Variants in ITPRID1 observed in about 807,000 individuals in gnomAD.
ITPRID1 encodes the protein ITPR interacting domain containing 1, also known as protein ITPRID1.
ITPRID1 carries 96 observed loss-of-function variants against 95.4 expected under a neutral mutation model. The ratio of observed to expected loss-of-function variants is 1.01; its 90% CI spans 0.85 to 1.19. The LOEUF is 1.19. Ranked by LOEUF, ITPRID1 falls within the 50% of genes most tolerant of loss-of-function variation. The probability of loss-of-function intolerance (pLI) is 0.00; values close to 1 mark genes in which losing one functional copy is unlikely to be tolerated. For missense variants in ITPRID1, 1,339 were observed against 1,252.9 expected, an observed-to-expected ratio of 1.07 and a Z score of -1.04; for synonymous variants, 510 against 453.6, an observed-to-expected ratio of 1.12 and a Z score of -1.58.
intron 7 of ITPRID1, 105 bp from the exon 8 acceptor site, chr7:31,574,435 C>A: frequency 1.0e-6 from 1 of 990,762 alleles, no homozygotes; most frequent in Non-Finnish European, 1.5e-6. Context: ...TATTTAGGAT[C>A]CTCTTTCACT....
chr7:31,527,041 T>G (rs1320400265), intron 1 of ITPRID1, among the ~76,000 whole-genome samples: 1 of 152,194 alleles, frequency 6.6e-6, no homozygotes, highest in Non-Finnish European at 1.5e-5. Flanking sequence ...CCTCATTTAT[T>G]ATGTAGTAGG....
Position 31,520,515 on chromosome 7 carries a change from TTGTGTGTGTGTGTGTGTG to T in ITPRID1, c.-98+6428_-98+6445del, listed in dbSNP as rs57709822. On this transcript the variant is annotated intron_variant, in intron 1 of 14. Transcript: ENST00000615280. ...TGTGTCTCTTTGACATACCACATCA[TTGTGTGTGTGTGTGTGTG>T]TGTGTGTGTGTGTGTGTGTGTGTGT... is the stretch of plus-strand genomic sequence containing the variant. Among the ~76,000 whole-genome samples, 198 of 135,666 alleles carry T rather than the reference TTGTGTGTGTGTGTGTGTG, an allele frequency of 1.5e-3. 3 individuals are homozygous for T. The highest frequency in any genetic ancestry group is 4.7e-3 in the African/African-American group (164 of 35,158). The allele number at this position is 135,666 out of a possible 152,430, so 89.0% of individuals were successfully genotyped here.
chr7:31,539,932 G>A (rs564343757), intron 1 of ITPRID1, among the ~76,000 whole-genome samples: 6 of 152,184 alleles, frequency 3.9e-5, no homozygotes, highest in Admixed American at 1.3e-4. Flanking sequence ...GTTTCTGGTC[G>A]GAGATGTTAT....
At chr7:31,602,253 A>G (rs1786425718) in intron 10 of ITPRID1, among the ~76,000 whole-genome samples, 1 of 152,164 alleles carries the variant, frequency 6.6e-6, no homozygotes, top group Admixed American at 6.5e-5. Flanking sequence ...AAATTCATCT[A>G]TACTCCCAGG....
intron 10 of ITPRID1, among the ~76,000 whole-genome samples, chr7:31,597,033 A>G (rs1357272932): frequency 6.6e-6 from 1 of 151,842 alleles, no homozygotes; most frequent in Admixed American, 6.5e-5. Context: ...AGAAAACATA[A>G]TATTAAAAGA....
intron 10 of ITPRID1, among the ~76,000 whole-genome samples, chr7:31,620,351 G>C (rs913156411): frequency 3.2e-4 from 49 of 152,128 alleles, no homozygotes; most frequent in Non-Finnish European, 6.0e-4. Flanking sequence ...CTAACTGGGA[G>C]GCACCCCCCA....
In ITPRID1 at chr7:31,573,355, T is replaced by C. The variant is rs866162954; in HGVS notation, c.395+1167T>C. On this transcript the variant is annotated intron_variant, in intron 7 of 14. Transcript: ENST00000615280. ...GATACACACAATTATTATTTGTCAA[T>C]TAAAAATTTTAGTTTTTTTTTTTTA... Among the ~76,000 whole-genome samples the C allele has an allele frequency of 7.6e-4, 115 of 152,050 alleles. 1 individual carries two copies. Among genetic ancestry groups the C allele is most frequent in the African/African-American group, 2.5e-3 (105 of 41,478 alleles).
chr7:31,571,810 G>T (rs773950844), intron 6 of ITPRID1, among the ~76,000 whole-genome samples: 1 of 152,152 alleles, frequency 6.6e-6, no homozygotes, highest in African/African-American at 2.4e-5. Context: ...GTTCCTGAAA[G>T]GTTCCCCAAT....
At chr7:31,633,605 G>C (rs1789215567) in intron 10 of ITPRID1, among the ~76,000 whole-genome samples, 1 of 152,200 alleles carries the variant, frequency 6.6e-6, no homozygotes, top group Admixed American at 6.5e-5. Flanking sequence ...AAGTCTAGCT[G>C]TTTCACATAT....
chr7:31,532,726 G>A (rs1783637932), intron 1 of ITPRID1, among the ~76,000 whole-genome samples: 1 of 152,166 alleles, frequency 6.6e-6, no homozygotes, highest in African/African-American at 2.4e-5. Context: ...AAAGAAAACA[G>A]AAGAATGCAA....
intron 1 of ITPRID1, among the ~76,000 whole-genome samples, chr7:31,539,976 A>G (rs1472534051): frequency 6.6e-6 from 1 of 152,160 alleles, no homozygotes; most frequent in African/African-American, 2.4e-5. Context: ...CTTAGCCATT[A>G]GGCTGATGCC....
intron 1 of ITPRID1, chr7:31,529,838 A>T (rs919458246): frequency 1.3e-6 from 2 of 1,532,524 alleles, no homozygotes; most frequent in African/African-American, 1.4e-5. Context: ...AGTAACTCTT[A>T]TAATTTGTTT....
At chr7:31,628,315 G>A (rs10262468) in intron 10 of ITPRID1, among the ~76,000 whole-genome samples, 6,220 of 152,202 alleles carry the variant, frequency 0.041, 353 homozygotes, top group African/African-American at 0.13. Flanking sequence ...GGTAACAGGG[G>A]CAAGGAAGGA....
chr7:31,579,634 G>T (rs1183001532), intron 9 of ITPRID1, among the ~76,000 whole-genome samples: 1 of 152,246 alleles, frequency 6.6e-6, no homozygotes, highest in Non-Finnish European at 1.5e-5. Context: ...ATAGAAAGTA[G>T]GCTTAACCAT....
At position 31,651,152 on chromosome 7, in the gene ITPRID1, A is replaced by G. The variant is rs764592476; in HGVS notation, c.2594A>G (p.His865Arg). The G allele has an allele frequency of 3.7e-6, 6 of 1,613,324 alleles. No individual in the cohort carries two copies. The highest frequency in any genetic ancestry group is 1.7e-4 in the Middle Eastern group (1 of 6,050). Reference protein sequence around the residue: ...TVRELCSCTVHEMEAMKTICQ... With the variant: ...TVRELCSCTVREMEAMKTICQ... ...TCTCATTGTTCTCAGTGCACAGTCCATGAGATGGAAGCCATGAAGACGATA... is the reference window on the plus strand; with the variant it reads ...TCTCATTGTTCTCAGTGCACAGTCCGTGAGATGGAAGCCATGAAGACGATA... Residue 865 changes from histidine to arginine, a missense_variant, in exon 13 of 15, where the codon CAT becomes CGT. By Grantham distance (29) the His-to-Arg change is conservative (BLOSUM62 0). Coordinates refer to ENST00000615280, the MANE Select transcript of ITPRID1 (RefSeq NM_001257967.3).
intron 5 of ITPRID1, among the ~76,000 whole-genome samples, chr7:31,559,506 C>A (rs920374151): frequency 1.3e-5 from 2 of 151,112 alleles, no homozygotes; most frequent in African/African-American, 4.9e-5. Flanking sequence ...ACTAAAAATA[C>A]AAAAAAAAAT....
chr7:31,625,198 T>G (rs953278820), intron 10 of ITPRID1, among the ~76,000 whole-genome samples: 2 of 152,108 alleles, frequency 1.3e-5, no homozygotes, highest in Middle Eastern at 3.2e-3. Context: ...GTTCAACCAT[T>G]GTGGAAGTCA....
chr7:31,617,445 T>TTAATTAAAAGAAAATGTGAATTAGTATA lies in ITPRID1; in HGVS notation c.1229-24730_1229-24703dup, dbSNP rs1230385739. ...ATAATAACCAAATCTCCCCAACAGT[T>TTAATTAAAAGAAAATGTGAATTAGTATA]TAATTAAAAGAAAATGTGAATTAGT... On this transcript the variant is annotated intron_variant, in intron 10 of 14. Coordinates refer to ENST00000615280, the MANE Select transcript of ITPRID1 (RefSeq NM_001257967.3). Among the ~76,000 whole-genome samples the TTAATTAAAAGAAAATGTGAATTAGTATA allele has an allele frequency of 1.2e-4, 18 of 152,164 alleles. No homozygotes were observed. The East Asian group carries it at 3.3e-3, about 28-fold the overall frequency.
intron 12 of ITPRID1, among the ~76,000 whole-genome samples, chr7:31,647,805 CATT>C (rs1451004013): frequency 1.3e-5 from 2 of 151,778 alleles, no homozygotes; most frequent in Non-Finnish European, 2.9e-5. Context: ...TCAAAAACAT[CATT>C]ATCTTACCCC....
Sources: gnomAD v4.1 joint callset for allele counts (sites outside exome capture counted in the v4.1 genomes callset) on GRCh38, gnomAD v4.1.1 for gene constraint, MANE v1.5 for transcripts, NCBI Gene and HGNC (gene_info 2026-07-23, HGNC 2026-07-21) for gene names.